Variants in RARB observed in about 807,000 individuals in gnomAD.
RARB encodes the protein retinoic acid receptor beta.
RARB carries 17 observed loss-of-function variants against 51.9 expected under a neutral mutation model. The ratio of observed to expected loss-of-function variants is 0.33; its 90% confidence interval spans 0.22 to 0.49. The LOEUF is 0.49. Ranked by LOEUF, RARB falls within the 20% of genes least tolerant of loss-of-function variation. The pLI is 0.99. For missense variants in RARB, 369 were observed against 550.8 expected (o/e 0.67, Z 3.30); for synonymous variants, 215 against 195.4 (o/e 1.10, Z -0.84).
chr3:25,368,268 C>A (rs1162313814), intron 5 of RARB, among the ~76,000 whole-genome samples: 2 of 152,036 alleles, frequency 1.3e-5, no homozygotes, highest in Non-Finnish European at 2.9e-5. Context: ...ATATGAAGGT[C>A]TGGGAATTTC....
chr3:25,380,472 A>C (rs1015400182), intron 5 of RARB, among the ~76,000 whole-genome samples: 8 of 152,196 alleles, frequency 5.3e-5, no homozygotes, highest in African/African-American at 1.9e-4. Flanking sequence ...TTATGTGACC[A>C]TTTCCCTGAC....
intron 3 of RARB, among the ~76,000 whole-genome samples, chr3:25,117,806 A>C (rs1182060941): frequency 6.6e-6 from 1 of 152,164 alleles, no homozygotes; most frequent in Non-Finnish European, 1.5e-5. Context: ...AAAGAAATTA[A>C]TTACTTATTT....
Position 25,194,331 on chromosome 3 carries a change from A to G in RARB, c.178+19756A>G, listed in dbSNP as rs2125365715. 1.3e-5 allele frequency among the ~76,000 whole-genome samples: 2 copies of G among 151,864 alleles called. 1 individual carries two copies. Among genetic ancestry groups the G allele is most frequent in the South Asian group, 4.1e-4 (2 of 4,824 alleles). On this transcript the variant is annotated intron_variant, in intron 5 of 11. Transcript: ENST00000383772. ...CTAATGTACTGCAGGAGTATAGTTA[A>G]TAATACTGTATACTGAAAATTTGCT...
chr3:25,094,446 G>C (rs1278655509), intron 3 of RARB, among the ~76,000 whole-genome samples: 1 of 152,126 alleles, frequency 6.6e-6, no homozygotes, highest in African/African-American at 2.4e-5. Flanking sequence ...ACCAGGAGCA[G>C]TAGCTCACAC....
At chr3:25,237,523 C>T (rs1235501580) in intron 5 of RARB, among the ~76,000 whole-genome samples, 3 of 152,006 alleles carry the variant, frequency 2.0e-5, no homozygotes, top group Non-Finnish European at 4.4e-5. Flanking sequence ...AAAAGCCACC[C>T]TCCAAAAATA....
intron 2 of RARB, among the ~76,000 whole-genome samples, chr3:24,864,115 A>C (rs1246855689): frequency 6.6e-6 from 1 of 152,162 alleles, no homozygotes; most frequent in Non-Finnish European, 1.5e-5. Context: ...CTGCACTTGC[A>C]CTGAGCTTAC....
intron 5 of RARB, chr3:25,259,103 A>G: frequency 1.0e-6 from 1 of 982,292 alleles, no homozygotes; most frequent in Non-Finnish European, 1.2e-6. Flanking sequence ...GAACTGTCTC[A>G]TTCAAAATGA....
At chr3:25,058,501 T>C (rs1698484944) in intron 2 of RARB, among the ~76,000 whole-genome samples, 1 of 151,742 alleles carries the variant, frequency 6.6e-6, no homozygotes. Context: ...TAAGATATAA[T>C]CCATGCCCTC....
intron 3 of RARB, among the ~76,000 whole-genome samples, chr3:25,566,518 G>A (rs908770056): frequency 1.3e-5 from 2 of 152,174 alleles, no homozygotes; most frequent in Non-Finnish European, 2.9e-5. Context: ...TTTTGCAAAC[G>A]GCGTGTGTGA....
At chr3:24,930,565 G>A (rs2125393134) in intron 2 of RARB, among the ~76,000 whole-genome samples, 1 of 152,136 alleles carries the variant, frequency 6.6e-6, no homozygotes, top group East Asian at 1.9e-4. Flanking sequence ...CCAATGCCTG[G>A]CACATAATAG....
chr3:25,462,528 C>T (rs1559415424), intron 2 of RARB: 1 of 152,196 alleles, frequency 6.6e-6, no homozygotes, highest in Admixed American at 6.5e-5. Context: ...TACTCCATGG[C>T]ATTTTATATT....
chr3:24,969,449 T>G (rs1696346093), intron 2 of RARB, among the ~76,000 whole-genome samples: 1 of 152,126 alleles, frequency 6.6e-6, no homozygotes, highest in Non-Finnish European at 1.5e-5. Context: ...AGATTTTGAT[T>G]ATACAAGAGC....
intron 3 of RARB, among the ~76,000 whole-genome samples, chr3:25,565,642 G>T (rs143852890): frequency 6.6e-6 from 1 of 152,136 alleles, no homozygotes; most frequent in Non-Finnish European, 1.5e-5. Flanking sequence ...GTGCCACTGC[G>T]ATGGCTTCTC....
At chr3:25,166,161 T>C (rs1279900097) in intron 4 of RARB, among the ~76,000 whole-genome samples, 1 of 152,160 alleles carries the variant, frequency 6.6e-6, no homozygotes. Flanking sequence ...AAATGCCTCT[T>C]TTTGGCCAAA....
chr3:25,193,370 TA>T (rs201044581), intron 5 of RARB, among the ~76,000 whole-genome samples: 7 of 151,928 alleles, frequency 4.6e-5, no homozygotes, highest in African/African-American at 1.2e-4. Flanking sequence ...AAAATTAAAA[TA>T]AAAAAAACCT....
At chr3:25,147,373 A>G (rs1253364157) in intron 4 of RARB, among the ~76,000 whole-genome samples, 4 of 152,078 alleles carry the variant, frequency 2.6e-5, no homozygotes, top group Non-Finnish European at 4.4e-5. Context: ...CCTTGTTCCA[A>G]TGTGCCATGG....
intron 2 of RARB, among the ~76,000 whole-genome samples, chr3:24,977,590 G>A (rs1696546005): frequency 6.6e-6 from 1 of 152,304 alleles, no homozygotes; most frequent in Admixed American, 6.5e-5. Flanking sequence ...AGGAAAGCTT[G>A]TGAATTTTGC....
chr3:24,941,054 A>G (rs1380209960), intron 2 of RARB, among the ~76,000 whole-genome samples: 1 of 152,090 alleles, frequency 6.6e-6, no homozygotes, highest in African/African-American at 2.4e-5. Flanking sequence ...CATTACTATT[A>G]ACTTGTAGGG....
At chr3:25,459,318 G>C (rs1695054744) in intron 1 of RARB, among the ~76,000 whole-genome samples, 2 of 152,208 alleles carry the variant, frequency 1.3e-5, no homozygotes, top group African/African-American at 4.8e-5. Flanking sequence ...GTTGGTATGA[G>C]AGCTTGGCCT....
Sources: allele counts gnomAD v4.1 joint callset (sites outside exome capture counted in the v4.1 genomes callset), GRCh38; gene constraint gnomAD v4.1.1; transcripts MANE v1.5; gene names NCBI Gene and HGNC (gene_info 2026-07-23, HGNC 2026-07-21).